The following KCNH1 variants were observed in gnomAD, a reference collection of about 807,000 sequenced individuals.
KCNH1 encodes voltage-gated delayed rectifier potassium channel KCNH1.
KCNH1 carries 27 observed loss-of-function variants against 69.2 expected under a neutral mutation model. The observed-to-expected ratio is 0.39, with a 90% confidence interval of 0.29 to 0.54. The LOEUF is 0.54. KCNH1 is among the 20% of genes least tolerant of loss of function. The pLI is 0.68. For missense variants in KCNH1, 798 were observed against 1,261.6 expected (o/e 0.63, Z 5.57); for synonymous variants, 456 against 487.7 (o/e 0.93, Z 0.86).
intron 9 of KCNH1, among the ~76,000 whole-genome samples, chr1:210,797,232 G>A (rs557080537): frequency 2.6e-5 from 4 of 152,258 alleles, no homozygotes; most frequent in East Asian, 3.9e-4. Flanking sequence ...CCACTGTACT[G>A]CAAATGTCTG....
chr1:210,987,547 A>C (rs187898149), intron 6 of KCNH1, among the ~76,000 whole-genome samples: 2 of 152,128 alleles, frequency 1.3e-5, no homozygotes, highest in African/African-American at 4.8e-5. Context: ...CTGGAAGTCC[A>C]CTCCAGACCC....
chr1:210,806,806 CCA>C (rs1491531689), intron 7 of KCNH1, among the ~76,000 whole-genome samples: 2,089 of 85,770 alleles, frequency 0.024, 324 homozygotes, highest in East Asian at 0.093. Flanking sequence ...CCCATCTCTA[CCA>C]AAAAAAAAAA....
intron 6 of KCNH1, among the ~76,000 whole-genome samples, chr1:210,972,223 T>C (rs1442645015): frequency 1.3e-5 from 2 of 152,154 alleles, no homozygotes; most frequent in Admixed American, 6.6e-5. Context: ...CATTTTTTAA[T>C]ATAGTATCTC....
intron 6 of KCNH1, among the ~76,000 whole-genome samples, chr1:210,933,591 T>C (rs1687722930): frequency 6.7e-6 from 1 of 149,694 alleles, no homozygotes; most frequent in Non-Finnish European, 1.5e-5. Context: ...ATGAATGAAA[T>C]GAAAAGTTGG....
chr1:210,839,905 C>T (rs76318342), intron 7 of KCNH1, among the ~76,000 whole-genome samples: 3,715 of 152,222 alleles, frequency 0.024, 154 homozygotes, highest in African/African-American at 0.084. Context: ...AATCACCTGA[C>T]GGTCTGTCTA....
At chr1:210,979,859 CAGGAAAT>C (rs1011616781) in intron 6 of KCNH1, among the ~76,000 whole-genome samples, 32 of 152,244 alleles carry the variant, frequency 2.1e-4, no homozygotes, top group African/African-American at 7.5e-4. Context: ...TTATTTCTGA[CAGGAAAT>C]TCATGCTAAC....
In KCNH1 at chr1:210,683,569, C is replaced by G. The variant is rs200969878; in HGVS notation, c.2682G>C (p.Val894=). The change falls in exon 11 of 11, where the codon GTG becomes GTC. Residue 894 remains valine (V), a synonymous_variant. Coordinates refer to ENST00000271751, the MANE Select transcript of KCNH1 (RefSeq NM_172362.3). The surrounding 1 kb of genome is among the most constrained non-coding windows in gnomAD (Gnocchi z 5.7). ...ITKSDLRLDN[V]GEARSPQDRS... ...GATCCTGGGGACTCCTGGCCTCACC[C>G]ACGTTGTCCAGGCGCAAGTCGCTCT... 2.2e-5 allele frequency: 36 copies of G among 1,614,034 alleles called. No individual in the cohort carries two copies. The highest frequency in any genetic ancestry group is 3.1e-5 in the Non-Finnish European group (36 of 1,180,042).
At chr1:211,030,708 T>C (rs1184276680) in intron 5 of KCNH1, among the ~76,000 whole-genome samples, 1 of 152,112 alleles carries the variant, frequency 6.6e-6, no homozygotes, top group Non-Finnish European at 1.5e-5. Context: ...AAACTGTTCT[T>C]AGATTTGACA....
At chr1:210,901,439 C>T (rs778479258) in intron 7 of KCNH1, among the ~76,000 whole-genome samples, 2 of 152,128 alleles carry the variant, frequency 1.3e-5, no homozygotes, top group Non-Finnish European at 2.9e-5. Flanking sequence ...AGTGGGTGGT[C>T]AGGTTGGATG....
chr1:210,853,181 A>C (rs530433630), intron 7 of KCNH1, among the ~76,000 whole-genome samples: 133 of 152,210 alleles, frequency 8.7e-4, no homozygotes, highest in Non-Finnish European at 1.5e-3. Context: ...CTGGCCACGT[A>C]AACTTTTGTT....
intron 7 of KCNH1, among the ~76,000 whole-genome samples, chr1:210,904,618 G>A (rs1333494241): frequency 1.3e-5 from 2 of 152,150 alleles, no homozygotes; most frequent in African/African-American, 4.8e-5. Flanking sequence ...TTTTGGAAGC[G>A]GGACTGGGGT....
chr1:210,902,223 T>C (rs1267563899), intron 7 of KCNH1, among the ~76,000 whole-genome samples: 2 of 152,196 alleles, frequency 1.3e-5, no homozygotes. Context: ...CATGTGCCAA[T>C]AGCTGAGGAG....
chr1:210,937,847 C>G (rs1558532946), intron 6 of KCNH1, among the ~76,000 whole-genome samples: 1 of 152,214 alleles, frequency 6.6e-6, no homozygotes, highest in Non-Finnish European at 1.5e-5. Flanking sequence ...GTTCCCAAAG[C>G]ACCTCTCTTT....
chr1:210,828,295 T>A (rs1438059392), intron 7 of KCNH1, among the ~76,000 whole-genome samples: 1 of 152,150 alleles, frequency 6.6e-6, no homozygotes, highest in Non-Finnish European at 1.5e-5. Flanking sequence ...AAGCTCCCAC[T>A]AACATGTACC....
At chr1:210,978,102 G>A (rs901413866) in intron 6 of KCNH1, among the ~76,000 whole-genome samples, 6 of 149,770 alleles carry the variant, frequency 4.0e-5, no homozygotes, top group African/African-American at 9.8e-5. Flanking sequence ...ACAGTGGTGC[G>A]ATCTCGGCTC....
chr1:210,992,555 A>G (rs1688955871), intron 6 of KCNH1, among the ~76,000 whole-genome samples: 1 of 152,140 alleles, frequency 6.6e-6, no homozygotes, highest in South Asian at 2.1e-4. Context: ...TTTTTATTTC[A>G]TCAGTTCTAG....
intron 6 of KCNH1, among the ~76,000 whole-genome samples, chr1:211,003,247 C>T (rs1689222310): frequency 6.6e-6 from 1 of 152,160 alleles, no homozygotes; most frequent in South Asian, 2.1e-4. Flanking sequence ...TGCTTGGTAT[C>T]TCAGATCACC....
At chr1:210,806,836 A>AAAAATATATATATAT (rs1553346591) in intron 7 of KCNH1, among the ~76,000 whole-genome samples, 4 of 85,644 alleles carry the variant, frequency 4.7e-5, no homozygotes, top group Non-Finnish European at 6.5e-5. Context: ...AAAAAAAAAA[A>AAAAATATATATATAT]ATATATATAT....
chr1:210,684,790 A>C (rs948855868), intron 10 of KCNH1, among the ~76,000 whole-genome samples: 13 of 152,164 alleles, frequency 8.5e-5, no homozygotes, highest in Non-Finnish European at 1.8e-4. Flanking sequence ...GTTGAACATA[A>C]ACTTGTCCTA....
Sources: allele counts gnomAD v4.1 joint callset (sites outside exome capture counted in the v4.1 genomes callset), GRCh38; gene constraint gnomAD v4.1.1; non-coding constraint Gnocchi (gnomAD v3.1); transcripts MANE v1.5; gene names NCBI Gene and HGNC (gene_info 2026-07-23, HGNC 2026-07-21).